Variants in BMERB1 observed in about 807,000 individuals in gnomAD.
BMERB1 encodes bMERB domain-containing protein 1.
Under a neutral mutation model 23.6 loss-of-function variants are expected in BMERB1, and 12 were observed. That is an observed-to-expected ratio of 0.51 (90% CI 0.33 to 0.82). The LOEUF is 0.82. Ranked by LOEUF, BMERB1 falls within the 40% of genes least tolerant of loss-of-function variation. The pLI is 0.03. For synonymous variants in BMERB1, 122 were observed against 96.6 expected, an observed-to-expected ratio of 1.26 and a Z score of -1.54; for missense variants, 247 against 255.4, an observed-to-expected ratio of 0.97 and a Z score of 0.22.
intron 2 of BMERB1, among the ~76,000 whole-genome samples, chr16:15,516,452 A>T (rs924333387): frequency 2.6e-5 from 4 of 152,192 alleles, no homozygotes; most frequent in Non-Finnish European, 5.9e-5. Context: ...CAAAAAATAT[A>T]AAAACATCAA....
At chr16:15,465,935 C>G (rs1450705271) in intron 1 of BMERB1, among the ~76,000 whole-genome samples, 1 of 152,178 alleles carries the variant, frequency 6.6e-6, no homozygotes, top group East Asian at 1.9e-4. Flanking sequence ...AATTTTTTAA[C>G]TGCTCAAAGT....
intron 2 of BMERB1, among the ~76,000 whole-genome samples, chr16:15,521,826 C>T (rs549803120): frequency 9.1e-4 from 139 of 152,230 alleles, no homozygotes; most frequent in African/African-American, 3.2e-3. Flanking sequence ...TGTTTTCTCA[C>T]TTCTTGACCC....
chr16:15,493,092 C>G (rs374318740), intron 1 of BMERB1, among the ~76,000 whole-genome samples: 4 of 152,102 alleles, frequency 2.6e-5, no homozygotes, highest in East Asian at 3.9e-4. Context: ...TGGGCTCATG[C>G]CTGTAATCCC....
At chr16:15,457,336 C>T (rs2051094880) in intron 1 of BMERB1, among the ~76,000 whole-genome samples, 1 of 152,210 alleles carries the variant, frequency 6.6e-6, no homozygotes, top group African/African-American at 2.4e-5. Flanking sequence ...TACTTTGGTT[C>T]TAGAGCTTGT....
chr16:15,435,488 A>C (rs932322535), intron 1 of BMERB1, among the ~76,000 whole-genome samples: 7 of 152,200 alleles, frequency 4.6e-5, no homozygotes, highest in African/African-American at 1.7e-4. Flanking sequence ...ACAATAGTTG[A>C]AACTCCTGCC....
intron 1 of BMERB1, among the ~76,000 whole-genome samples, chr16:15,500,417 A>G (rs963381390): frequency 1.3e-5 from 2 of 152,170 alleles, no homozygotes; most frequent in African/African-American, 2.4e-5. Flanking sequence ...ATAGGCTGCC[A>G]GGGGCTGGAG....
chr16:15,462,911 A>G (rs1396200859), intron 1 of BMERB1, among the ~76,000 whole-genome samples: 1 of 152,164 alleles, frequency 6.6e-6, no homozygotes, highest in South Asian at 2.1e-4. Context: ...CGCCACCAGC[A>G]CTAGATCCTT....
chr16:15,507,596 T>C (rs1260572521), intron 1 of BMERB1, among the ~76,000 whole-genome samples: 1 of 152,176 alleles, frequency 6.6e-6, no homozygotes, highest in Admixed American at 6.5e-5. Context: ...CAGCTTGAAA[T>C]GCTCCTCCCG....
chr16:15,485,137 G>A (rs1390579863), intron 1 of BMERB1, among the ~76,000 whole-genome samples: 1 of 152,166 alleles, frequency 6.6e-6, no homozygotes, highest in Non-Finnish European at 1.5e-5. Context: ...CCTCAACTTG[G>A]ATAATTTGCC....
chr16:15,575,167 C>A (rs1433334456), intron 3 of BMERB1, among the ~76,000 whole-genome samples: 1 of 152,182 alleles, frequency 6.6e-6, no homozygotes. Context: ...CCCTCCAGGC[C>A]TCTCTGGAAG....
At chr16:15,571,102 C>G (rs921913348) in intron 3 of BMERB1, among the ~76,000 whole-genome samples, 2 of 151,350 alleles carry the variant, frequency 1.3e-5, no homozygotes, top group Admixed American at 1.3e-4. Flanking sequence ...GCCTAACCTC[C>G]TGGGCATTCA....
At chr16:15,570,608 C>G (rs140214402) in intron 3 of BMERB1, among the ~76,000 whole-genome samples, 166 of 152,088 alleles carry the variant, frequency 1.1e-3, no homozygotes, top group African/African-American at 3.9e-3. Flanking sequence ...AGTTCTTGGA[C>G]CAAGAGCAAG....
At chr16:15,537,605 C>T (rs181170188) in intron 2 of BMERB1, among the ~76,000 whole-genome samples, 1 of 151,824 alleles carries the variant, frequency 6.6e-6, no homozygotes, top group Non-Finnish European at 1.5e-5. Flanking sequence ...CCACCCACCT[C>T]GGCCTCCCAA....
intron 1 of BMERB1, among the ~76,000 whole-genome samples, chr16:15,488,795 G>T (rs182563245): frequency 1.4e-5 from 2 of 146,522 alleles, no homozygotes; most frequent in Non-Finnish European, 3.0e-5. Flanking sequence ...TCCAGCCTGG[G>T]CAACAGAGCG....
chr16:15,439,192 C>T (rs1385421183), intron 1 of BMERB1, among the ~76,000 whole-genome samples: 2 of 151,980 alleles, frequency 1.3e-5, no homozygotes, highest in African/African-American at 2.4e-5. Flanking sequence ...AAAGAAGGAA[C>T]GTTTTGAAGT....
rs953282333 is a variant in BMERB1, at chr16:15,502,135, A to G, written c.107-13170A>G. ...ATCTACTCATGTCTGCTTGACGCCA[A>G]TGCCTGCGTCTTCACGTGCTGTTGG... On this transcript the variant is annotated intron_variant, in intron 1 of 5. Transcript: ENST00000300006. The G allele has an allele frequency of 1.5e-5, 10 of 685,982 alleles. No individual in the cohort carries two copies. The Middle Eastern group carries it at 1.2e-3, about 81-fold the overall frequency. 42.5% of individuals were successfully genotyped at this position (685,982 alleles called of 1,614,324 possible).
At chr16:15,449,910 T>G (rs2051027214) in intron 1 of BMERB1, among the ~76,000 whole-genome samples, 1 of 151,858 alleles carries the variant, frequency 6.6e-6, no homozygotes, top group Admixed American at 6.6e-5. Flanking sequence ...TTTTTTGTTT[T>G]CTTTAAAATT....
intron 5 of BMERB1, 32 bp from the exon 6 acceptor site, chr16:15,586,685 C>T: frequency 1.3e-6 from 2 of 1,534,826 alleles, no homozygotes; most frequent in South Asian, 1.2e-5. Flanking sequence ...GTTCCTTTCT[C>T]CCCCTCTCCC....
intron 1 of BMERB1, among the ~76,000 whole-genome samples, chr16:15,462,318 A>AT (rs995856331): frequency 2.0e-4 from 30 of 150,992 alleles, no homozygotes; most frequent in Admixed American, 1.2e-3. Context: ...CGCCTGGCTA[A>AT]TTTTTTTGTA....
Sources: gnomAD v4.1 joint callset for allele counts (sites outside exome capture counted in the v4.1 genomes callset) on GRCh38, gnomAD v4.1.1 for gene constraint, MANE v1.5 for transcripts, NCBI Gene and HGNC (gene_info 2026-07-23, HGNC 2026-07-21) for gene names.